The following PRRX1 variants were observed in gnomAD, a reference collection of about 807,000 sequenced individuals.
The protein encoded by PRRX1 is paired related homeobox 1.
In PRRX1, 8 loss-of-function variants were observed where a neutral mutation model predicts 24.0. The observed-to-expected ratio is 0.33, with a 90% CI of 0.20 to 0.60. The LOEUF (loss-of-function observed/expected upper bound fraction) is 0.60, where lower values mean the gene tolerates loss of function less well. PRRX1 is among the 20% of genes least tolerant of loss of function. The pLI is 0.82. For synonymous variants in PRRX1, 160 were observed against 131.7 expected, an observed-to-expected ratio of 1.22 and a Z score of -1.47; for missense variants, 281 against 322.4, an observed-to-expected ratio of 0.87 and a Z score of 0.98.
intron 1 of PRRX1, among the ~76,000 whole-genome samples, chr1:170,669,595 G>T (rs1318715384): frequency 6.6e-6 from 1 of 151,568 alleles, no homozygotes; most frequent in Non-Finnish European, 1.5e-5. Flanking sequence ...ATTTTAAAAG[G>T]CATGTTTCTT....
chr1:170,702,107 C>A (rs1654405144), intron 1 of PRRX1, among the ~76,000 whole-genome samples: 1 of 152,162 alleles, frequency 6.6e-6, no homozygotes, highest in South Asian at 2.1e-4. Flanking sequence ...ACCTAGATCC[C>A]GCGCATGCGC....
chr1:170,691,902 G>T (rs931500194), intron 1 of PRRX1, among the ~76,000 whole-genome samples: 1 of 152,036 alleles, frequency 6.6e-6, no homozygotes, highest in African/African-American at 2.4e-5. Context: ...TAGGGTGAGG[G>T]GAAGCAGTGT....
chr1:170,688,275 A>C (rs1383350395), intron 1 of PRRX1, among the ~76,000 whole-genome samples: 1 of 152,144 alleles, frequency 6.6e-6, no homozygotes, highest in Non-Finnish European at 1.5e-5. Flanking sequence ...AAAAACTGTA[A>C]TGTTATATAG....
intron 1 of PRRX1, among the ~76,000 whole-genome samples, chr1:170,708,379 C>T (rs1013594180): frequency 6.6e-6 from 1 of 151,924 alleles, no homozygotes; most frequent in African/African-American, 2.4e-5. Context: ...TTAAAACAGT[C>T]GCATATCCTT....
At chr1:170,665,941 C>T (rs1652910839) in intron 1 of PRRX1, among the ~76,000 whole-genome samples, 1 of 152,254 alleles carries the variant, frequency 6.6e-6, no homozygotes, top group Non-Finnish European at 1.5e-5. Context: ...AACCAGGTGT[C>T]CTCAAGTTCC....
chr1:170,687,629 A>G lies in PRRX1; in HGVS notation c.241+23170A>G, dbSNP rs150724258. On this transcript the variant is annotated intron_variant, in intron 1 of 3. Transcript: ENST00000239461. The stretch of plus-strand genomic sequence containing the variant: ...GTTTTTGTAAGCATTAAGTAAGATA[A>G]TGTATAGGATATGGTTAGCATTGTG... Among the ~76,000 whole-genome samples, 622 of 152,290 alleles carry G rather than the reference A, an allele frequency of 4.1e-3. 4 individuals are homozygous for G. Among genetic ancestry groups the G allele is most frequent in the African/African-American group, 0.014 (588 of 41,566 alleles).
At chr1:170,695,003 G>T (rs1308228302) in intron 1 of PRRX1, among the ~76,000 whole-genome samples, 1 of 152,132 alleles carries the variant, frequency 6.6e-6, no homozygotes, top group Non-Finnish European at 1.5e-5. Context: ...TGGGAGATAT[G>T]CTGTGGTGAT....
chr1:170,719,895 A>G lies in PRRX1; in HGVS notation c.411A>G (p.Arg137=), dbSNP rs772199894. The change falls in exon 2 of 4, where the codon AGA becomes AGG. Residue 137 remains arginine (R), a synonymous_variant. Coordinates refer to ENST00000239461, the MANE Select transcript of PRRX1 (RefSeq NM_022716.4). ...GCCGGGTGAACCTCACCGAGGCGAG[A>G]GTGCAGGTAACTCAAGCTGTGAGAG... ...LARRVNLTEA[R]VQVWFQNRRA... 8 of 1,613,964 alleles carry G rather than the reference A, an allele frequency of 5.0e-6. No individual in the cohort carries two copies. In the East Asian group the frequency reaches 8.9e-5, roughly 18 times the overall value.
chr1:170,704,579 C>T (rs923028967), intron 1 of PRRX1, among the ~76,000 whole-genome samples: 1 of 152,152 alleles, frequency 6.6e-6, no homozygotes, highest in Admixed American at 6.5e-5. Context: ...TTAAAGGAAC[C>T]TTGAGAAGCA....
chr1:170,702,179 C>T (rs1654407606), intron 1 of PRRX1, among the ~76,000 whole-genome samples: 2 of 152,170 alleles, frequency 1.3e-5, no homozygotes, highest in South Asian at 2.1e-4. Flanking sequence ...TGACAGGAGG[C>T]GGAGCTCAGG....
At position 170,680,402 on chromosome 1, in the gene PRRX1, C is replaced by T. The variant is rs74695379; in HGVS notation, c.241+15943C>T. On this transcript the variant is annotated intron_variant, in intron 1 of 3. Coordinates refer to ENST00000239461, the MANE Select transcript of PRRX1 (RefSeq NM_022716.4). ...GAGGTGAAAGGGTTTCCTGGACCCA[C>T]GTCTGTAGTAGAGACCACTACTGAG... Among the ~76,000 whole-genome samples, 474 of 152,292 alleles carry T rather than the reference C, an allele frequency of 3.1e-3. 2 individuals carry two copies. Among genetic ancestry groups the T allele is most frequent in the South Asian group, 6.0e-3 (29 of 4,828 alleles).
upstream of PRRX1, chr1:170,663,086 C>CTCTCTCTTGT (rs1652781107): frequency 7.0e-6 from 1 of 142,256 alleles, no homozygotes; most frequent in African/African-American, 2.5e-5. Flanking sequence ...CCCTCCCTCT[C>CTCTCTCTTGT]TCCCTCCCTC....
At chr1:170,679,553 C>T (rs2101890557) in intron 1 of PRRX1, among the ~76,000 whole-genome samples, 1 of 152,304 alleles carries the variant, frequency 6.6e-6, no homozygotes, top group East Asian at 1.9e-4. Flanking sequence ...GTGCCTGCCA[C>T]CACACCTGGC....
At chr1:170,679,389 G>GTTTTATTTTA (rs372171104) in intron 1 of PRRX1, among the ~76,000 whole-genome samples, 25 of 152,128 alleles carry the variant, frequency 1.6e-4, no homozygotes, top group African/African-American at 4.8e-4. Flanking sequence ...AAGACTAACT[G>GTTTTATTTTA]TTTTATTTTA....
chr1:170,675,140 G>A (rs1653273312), intron 1 of PRRX1, among the ~76,000 whole-genome samples: 2 of 152,214 alleles, frequency 1.3e-5, no homozygotes, highest in African/African-American at 4.8e-5. Context: ...TGTGGCATCA[G>A]TTAATTCCCA....
At chr1:170,693,881 C>A (rs1218463887) in intron 1 of PRRX1, among the ~76,000 whole-genome samples, 2 of 151,910 alleles carry the variant, frequency 1.3e-5, no homozygotes, top group African/African-American at 2.4e-5. Context: ...ACAACTCAGG[C>A]AAGGTTTGTG....
chr1:170,730,097 T>C, intron 3 of PRRX1: 1 of 702,986 alleles, frequency 1.4e-6, no homozygotes, highest in East Asian at 2.5e-5. Context: ...AAGTGCCATT[T>C]CCAGAGGGAG....
chr1:170,674,774 G>A (rs1229519356), intron 1 of PRRX1, among the ~76,000 whole-genome samples: 3 of 151,174 alleles, frequency 2.0e-5, no homozygotes, highest in Admixed American at 6.6e-5. Flanking sequence ...GTAAATTATA[G>A]GAGTAATACC....
chr1:170,736,049 G>T lies in PRRX1; in HGVS notation c.601G>T (p.Ala201Ser). ...CTGCTCTCTCCTTTGTCCCTACAGC[G>T]CCATGGCTACTTATTCTGCCACATG... Reference protein sequence around the residue: ...LSWGTASPYSAMATYSATCAN... With the variant: ...LSWGTASPYSSMATYSATCAN... The change falls in exon 4 of 4, where the codon GCC becomes TCC. Residue 201 changes from alanine to serine, a missense_variant and splice_region_variant. Physicochemically the swap from Ala to Ser is moderately conservative, Grantham distance 99 (BLOSUM62 1). Coordinates refer to ENST00000239461, the MANE Select transcript of PRRX1 (RefSeq NM_022716.4). 1.2e-6 allele frequency: 2 copies of T among 1,613,928 alleles called. No individual in the cohort carries two copies. Among genetic ancestry groups the T allele is most frequent in the Non-Finnish European group, 1.7e-6 (2 of 1,179,864 alleles).
Sources: allele counts gnomAD v4.1 joint callset (sites outside exome capture counted in the v4.1 genomes callset), GRCh38; gene constraint gnomAD v4.1.1; transcripts MANE v1.5; gene names NCBI Gene and HGNC (gene_info 2026-07-23, HGNC 2026-07-21).